The following STK33 variants were observed in gnomAD, a reference collection of about 807,000 sequenced individuals.
The protein encoded by STK33 is serine/threonine kinase 33.
Under a neutral mutation model 58.0 loss-of-function variants are expected in STK33, and 52 were observed. That is an observed-to-expected ratio of 0.90 (90% CI 0.72 to 1.13). STK33 has a LOEUF of 1.13. STK33 is among the 50% of genes most tolerant of loss of function. The pLI is 0.00. For synonymous variants in STK33, 215 were observed against 200.1 expected (o/e 1.07, Z -0.63); for missense variants, 630 against 604.2 (o/e 1.04, Z -0.45).
chr11:8,491,506 T>G (rs1056662469), intron 1 of STK33, among the ~76,000 whole-genome samples: 2 of 152,220 alleles, frequency 1.3e-5, no homozygotes, highest in African/African-American at 2.4e-5. Context: ...TGGAACCAAG[T>G]TGGAAAACAC....
intron 14 of STK33, among the ~76,000 whole-genome samples, chr11:8,430,043 A>G (rs1943234257): frequency 6.6e-6 from 1 of 152,196 alleles, no homozygotes; most frequent in South Asian, 2.1e-4. Context: ...AACTCACACA[A>G]GCACAGCAGC....
chr11:8,473,512 A>G (rs922955732), intron 5 of STK33, among the ~76,000 whole-genome samples: 1 of 152,208 alleles, frequency 6.6e-6, no homozygotes, highest in Admixed American at 6.5e-5. Context: ...GAAAGTCTAC[A>G]TGATAACCAG....
chr11:8,577,253 C>T (rs1243697740), intron 1 of STK33, among the ~76,000 whole-genome samples: 1 of 152,030 alleles, frequency 6.6e-6, no homozygotes, highest in African/African-American at 2.4e-5. Flanking sequence ...TTAAAATCTT[C>T]AATAATCATA....
At chr11:8,574,297 A>G (rs1414089798) in intron 1 of STK33, among the ~76,000 whole-genome samples, 1 of 152,240 alleles carries the variant, frequency 6.6e-6, no homozygotes, top group African/African-American at 2.4e-5. Context: ...GTTATGCAAG[A>G]TATTAATATT....
Position 8,474,739 on chromosome 11 carries a change from G to A in STK33, c.167C>T (p.Ser56Leu). 6.2e-7 allele frequency: 1 copy of A among 1,612,032 alleles called. No homozygotes were observed. Among genetic ancestry groups the A allele is most frequent in the Non-Finnish European group, 8.5e-7 (1 of 1,179,386 alleles). The stretch of plus-strand genomic sequence containing the variant: ...ATTTTTTTCTTTTTTTCTCTCCAGT[G>A]AAATTAAAGATTCTGCACTACCAAT... ...SSIGSAESLISLERKKEKNIN... is the reference protein window; with the variant it reads ...SSIGSAESLILLERKKEKNIN... Residue 56 changes from serine (S) to leucine (L), a missense_variant, in exon 5 of 16, where the codon TCA becomes TTA. Transcript: ENST00000687296.
At chr11:8,365,389 C>T in the STK33 span, among the ~76,000 whole-genome samples, 1,087 of 152,306 alleles carry the variant, frequency 7.1e-3, 13 homozygotes, top group African/African-American at 0.025. Flanking sequence ...AGCTCAGCCC[C>T]GCTGCCCCAT....
At chr11:8,517,341 C>G (rs1238808806) in intron 1 of STK33, among the ~76,000 whole-genome samples, 2 of 152,212 alleles carry the variant, frequency 1.3e-5, no homozygotes, top group Admixed American at 1.3e-4. Flanking sequence ...ACGTCACCAT[C>G]ACCAAAGACC....
intron 11 of STK33, among the ~76,000 whole-genome samples, chr11:8,449,395 A>T (rs1945968511): frequency 6.6e-6 from 1 of 151,682 alleles, no homozygotes; most frequent in Non-Finnish European, 1.5e-5. Flanking sequence ...AATGTCCAAC[A>T]ATGATCAACT....
chr11:8,472,065 T>C (rs973204551), intron 6 of STK33, among the ~76,000 whole-genome samples: 5 of 152,162 alleles, frequency 3.3e-5, no homozygotes, highest in Admixed American at 2.6e-4. Context: ...TAGCCAGGAC[T>C]ACAGCCGAAT....
chr11:8,369,214 C>T, the STK33 span, among the ~76,000 whole-genome samples: 1 of 151,948 alleles, frequency 6.6e-6, no homozygotes, highest in Admixed American at 6.5e-5. Context: ...ATAATATGAA[C>T]ACTTATCATC....
intron 15 of STK33, among the ~76,000 whole-genome samples, chr11:8,407,878 C>T (rs1434123595): frequency 6.6e-6 from 1 of 152,104 alleles, no homozygotes; most frequent in East Asian, 1.9e-4. Context: ...GAAGAACACG[C>T]TTAGCAATAG....
chr11:8,372,202 T>C, the STK33 span, among the ~76,000 whole-genome samples: 1 of 152,120 alleles, frequency 6.6e-6, no homozygotes. Flanking sequence ...ATCACACTAT[T>C]CCAGAGCAGA....
intron 1 of STK33, among the ~76,000 whole-genome samples, chr11:8,586,171 C>T (rs141127275): frequency 6.8e-6 from 1 of 147,462 alleles, no homozygotes; most frequent in African/African-American, 2.5e-5. Flanking sequence ...GAGCCAAGAT[C>T]GTGCCACTCC....
chr11:8,451,699 T>G (rs1490734509), intron 11 of STK33, among the ~76,000 whole-genome samples: 2 of 152,186 alleles, frequency 1.3e-5, no homozygotes, highest in Non-Finnish European at 2.9e-5. Context: ...ACTCTGTGGA[T>G]GTATGAAAAA....
At chr11:8,519,662 T>G (rs1328189939) in intron 1 of STK33, among the ~76,000 whole-genome samples, 2 of 151,916 alleles carry the variant, frequency 1.3e-5, no homozygotes, top group African/African-American at 4.8e-5. Context: ...AAAGGGGATA[T>G]CACCACCGAT....
At chr11:8,426,906 A>G (rs1251605965) in intron 14 of STK33, among the ~76,000 whole-genome samples, 2 of 152,014 alleles carry the variant, frequency 1.3e-5, no homozygotes, top group African/African-American at 4.8e-5. Flanking sequence ...CTCCTTTAGC[A>G]CACTTTCATG....
chr11:8,463,600 A>C (rs1384713782), intron 7 of STK33, among the ~76,000 whole-genome samples: 4 of 152,102 alleles, frequency 2.6e-5, no homozygotes, highest in Non-Finnish European at 4.4e-5. Flanking sequence ...AAGTTACCCC[A>C]ATTTCTCCTA....
intron 11 of STK33, among the ~76,000 whole-genome samples, chr11:8,448,183 A>G (rs1478692954): frequency 2.0e-5 from 3 of 152,310 alleles, no homozygotes; most frequent in South Asian, 4.1e-4. Context: ...GGAAGAATCA[A>G]TATCGTGAAA....
chr11:8,495,297 G>C (rs1309801790), intron 1 of STK33, among the ~76,000 whole-genome samples: 1 of 152,076 alleles, frequency 6.6e-6, no homozygotes. Flanking sequence ...GATATGAACA[G>C]ACACTTCTCA....
Sources: allele counts gnomAD v4.1 joint callset (sites outside exome capture counted in the v4.1 genomes callset), GRCh38; gene constraint gnomAD v4.1.1; transcripts MANE v1.5; gene names NCBI Gene and HGNC (gene_info 2026-07-23, HGNC 2026-07-21).